IFT52: variants seen among roughly 807,000 people sequenced by gnomAD.
The protein encoded by IFT52 is intraflagellar transport 52, also known as intraflagellar transport protein 52 homolog.
A neutral mutation model predicts 54.4 loss-of-function variants in IFT52; 44 were observed. That is an observed-to-expected ratio of 0.81 (90% confidence interval 0.63 to 1.04). The LOEUF is 1.04. IFT52 is among the 50% of genes least tolerant of loss of function. IFT52 has a pLI of 0.00. For missense variants in IFT52, 452 were observed against 523.6 expected, an observed-to-expected ratio of 0.86 and a Z score of 1.33; for synonymous variants, 181 against 185.3, an observed-to-expected ratio of 0.98 and a Z score of 0.19.
chr20:43,633,492 G>C (rs576307199), intron 10 of IFT52, among the ~76,000 whole-genome samples: 1 of 151,934 alleles, frequency 6.6e-6, no homozygotes, highest in East Asian at 1.9e-4. Context: ...GGTGGATCAC[G>C]AGGTCAGGAG....
chr20:43,594,962 G>C lies in IFT52; in HGVS notation c.119+145G>C, dbSNP rs554092430. ...ATTATTCAGAATTAGGTCTGGCGTG[G>C]TGGCTCACACCTGTAATCCCAGCAG... On this transcript the variant is annotated intron_variant, in intron 2 of 13. Coordinates refer to ENST00000373030, the MANE Select transcript of IFT52 (RefSeq NM_016004.5). 28 of 626,010 alleles carry C rather than the reference G, an allele frequency of 4.5e-5. No individual in the cohort carries two copies. In the African/African-American group the frequency reaches 5.1e-4, roughly 11 times the overall value. The allele number at this position is 626,010 out of a possible 1,614,324, so 38.8% of individuals were successfully genotyped here.
chr20:43,613,240 C>A (rs890260594), intron 6 of IFT52, among the ~76,000 whole-genome samples: 2 of 152,130 alleles, frequency 1.3e-5, no homozygotes, highest in African/African-American at 4.8e-5. Flanking sequence ...GGAAGAAGAA[C>A]GTATTTACCA....
intron 7 of IFT52, among the ~76,000 whole-genome samples, chr20:43,615,993 G>A (rs1409307950): frequency 6.6e-6 from 1 of 152,056 alleles, no homozygotes; most frequent in Non-Finnish European, 1.5e-5. Flanking sequence ...TGCAGCATTT[G>A]CTTTTAACCT....
At position 43,637,146 on chromosome 20, in the gene IFT52, T is replaced by C; in HGVS notation, c.1013T>C (p.Val338Ala). The C allele has an allele frequency of 6.2e-7, 1 of 1,600,846 alleles. No homozygotes were observed. Among genetic ancestry groups the C allele is most frequent in the Non-Finnish European group, 8.6e-7 (1 of 1,168,390 alleles). Residue 338 changes from valine (V) to alanine (A), a missense_variant and splice_region_variant, in exon 12 of 14, where the codon GTT becomes GCT. Val to Ala is a moderately conservative substitution (Grantham distance 64). Coordinates refer to ENST00000373030, the MANE Select transcript of IFT52 (RefSeq NM_016004.5). ...ETPLPTLQPA[V>A]FPPSFRELPP... ...AATAATGACTTTATTTCCTTTTAGGTTTTTCCTCCCAGTTTCCGGGAGTTA... is the reference window on the plus strand; with the variant it reads ...AATAATGACTTTATTTCCTTTTAGGCTTTTCCTCCCAGTTTCCGGGAGTTA...
At chr20:43,595,606 C>T (rs1246169135) in intron 2 of IFT52, among the ~76,000 whole-genome samples, 3 of 151,980 alleles carry the variant, frequency 2.0e-5, no homozygotes, top group Non-Finnish European at 4.4e-5. Context: ...GTCTCTTGGG[C>T]AGGACGCGGT....
intron 2 of IFT52, among the ~76,000 whole-genome samples, 183 bp from the exon 3 acceptor site, chr20:43,596,252 G>A (rs1332604378): frequency 6.6e-6 from 1 of 152,212 alleles, no homozygotes; most frequent in Non-Finnish European, 1.5e-5. Context: ...GAGGCCAGAT[G>A]ACTCTGGGGC....
At chr20:43,608,114 C>T (rs1379031837) in intron 6 of IFT52, among the ~76,000 whole-genome samples, 2 of 152,144 alleles carry the variant, frequency 1.3e-5, no homozygotes, top group Admixed American at 1.3e-4. Flanking sequence ...CCAGCTTCGG[C>T]TCGGCATCAG....
At chr20:43,627,036 A>G (rs1984773459) in intron 10 of IFT52, among the ~76,000 whole-genome samples, 1 of 152,044 alleles carries the variant, frequency 6.6e-6, no homozygotes. Flanking sequence ...GCATGGTGGC[A>G]CACGCCTGTA....
At chr20:43,613,753 TC>T (rs752780937) in intron 6 of IFT52, 96 bp from the exon 7 acceptor site, 7 of 1,254,632 alleles carry the variant, frequency 5.6e-6, no homozygotes, top group Non-Finnish European at 8.0e-6. Flanking sequence ...TGAGACTGTT[TC>T]AAAAAAGAGT....
chr20:43,646,804 C>G, intron 13 of IFT52, 132 bp from the exon 14 acceptor site: 2 of 803,454 alleles, frequency 2.5e-6, no homozygotes, highest in Non-Finnish European at 4.1e-6. Context: ...GGATTCAGCC[C>G]TAAAGCCAGA....
intron 10 of IFT52, among the ~76,000 whole-genome samples, chr20:43,635,282 A>G (rs975159872): frequency 6.6e-6 from 1 of 151,944 alleles, no homozygotes; most frequent in Non-Finnish European, 1.5e-5. Context: ...TCCTTGGCAA[A>G]GGACATGATC....
chr20:43,630,570 G>A (rs530354113), intron 10 of IFT52, among the ~76,000 whole-genome samples: 2 of 152,174 alleles, frequency 1.3e-5, no homozygotes, highest in African/African-American at 4.8e-5. Flanking sequence ...CAACTACAGG[G>A]TGTTGCTCTG....
intron 12 of IFT52, among the ~76,000 whole-genome samples, chr20:43,641,604 C>G (rs868184894): frequency 3.3e-5 from 5 of 151,708 alleles, no homozygotes; most frequent in Admixed American, 6.6e-5. Context: ...AGCAATTCTC[C>G]TACCTCAGCC....
chr20:43,638,403 C>T (rs544237124), intron 12 of IFT52, among the ~76,000 whole-genome samples: 7 of 152,046 alleles, frequency 4.6e-5, no homozygotes, highest in Admixed American at 6.6e-5. Flanking sequence ...GTTGGCCAAG[C>T]TGGTCTAAAA....
In IFT52 at chr20:43,646,952, C is replaced by G. The variant is rs776257116; in HGVS notation, c.1283C>G (p.Thr428Arg). 1 of 1,613,710 alleles carries G rather than the reference C, an allele frequency of 6.2e-7. No individual in the cohort carries two copies. Among genetic ancestry groups the G allele is most frequent in the South Asian group, 1.1e-5 (1 of 91,070 alleles). The change falls in exon 14 of 14, where the codon ACA (threonine) becomes AGA (arginine). Residue 428 changes from threonine to arginine, a missense_variant. Physicochemically the swap from Thr to Arg is moderately conservative, Grantham distance 71. Coordinates refer to ENST00000373030, the MANE Select transcript of IFT52 (RefSeq NM_016004.5). ...KKLNQEHDID[T>R]SETAFQNNF ...CTCATCCAGGAACATGACATCGATA[C>G]AAGTGAAACAGCATTCCAGAACAAT... is the stretch of plus-strand genomic sequence containing the variant.
intron 9 of IFT52, among the ~76,000 whole-genome samples, chr20:43,622,387 A>G (rs375339335): frequency 1.3e-4 from 20 of 152,112 alleles, no homozygotes; most frequent in Middle Eastern, 3.4e-3. Flanking sequence ...TCACGAGGTC[A>G]GGAGATGGAG....
At position 43,613,993 on chromosome 20, in the gene IFT52, A is replaced by T. The variant is rs748622182; in HGVS notation, c.612+17A>T. On this transcript the variant is annotated intron_variant, in intron 7 of 13. Coordinates refer to ENST00000373030, the MANE Select transcript of IFT52 (RefSeq NM_016004.5). ...CACTCAAAGGTACAGCTTTTCTTAG[A>T]TATGGGTATAGATGTTATTTTTATT... 2.5e-6 allele frequency: 4 copies of T among 1,605,678 alleles called. No homozygotes were observed. Among genetic ancestry groups the T allele is most frequent in the Non-Finnish European group, 3.4e-6 (4 of 1,173,606 alleles).
intron 6 of IFT52, among the ~76,000 whole-genome samples, chr20:43,607,814 G>A (rs4812725): frequency 0.78 from 118,005 of 151,682 alleles, 46,228 homozygotes; most frequent in Non-Finnish European, 0.81. Flanking sequence ...GGTGGAGGTT[G>A]TAGCGAGCCG....
At chr20:43,619,910 C>CCT (rs1984148473) in intron 8 of IFT52, among the ~76,000 whole-genome samples, 1 of 82,776 alleles carries the variant, frequency 1.2e-5, no homozygotes. Context: ...AGATATTCTA[C>CCT]TTTTTTTTTT....
Sources: allele counts gnomAD v4.1 joint callset (sites outside exome capture counted in the v4.1 genomes callset), GRCh38; gene constraint gnomAD v4.1.1; transcripts MANE v1.5; gene names NCBI Gene and HGNC (gene_info 2026-07-23, HGNC 2026-07-21).